Variants in IKBKE observed in about 807,000 individuals in gnomAD.
IKBKE encodes the protein inhibitor of nuclear factor kappa B kinase subunit epsilon.
In IKBKE, 45 loss-of-function variants were observed where a neutral mutation model predicts 92.1. The ratio of observed to expected loss-of-function variants is 0.49; its 90% CI spans 0.38 to 0.63. The LOEUF is 0.63. Ranked by LOEUF, IKBKE falls within the 20% of genes least tolerant of loss-of-function variation. The pLI is 0.00. For missense variants in IKBKE, 700 were observed against 932.8 expected, an observed-to-expected ratio of 0.75 and a Z score of 3.25; for synonymous variants, 374 against 380.3, an observed-to-expected ratio of 0.98 and a Z score of 0.19.
chr1:206,474,614 G>T (rs1208779428), intron 4 of IKBKE, 143 bp downstream of exon 4: 3 of 907,204 alleles, frequency 3.3e-6, no homozygotes, highest in East Asian at 2.7e-5. Context: ...GGGAGCAAAG[G>T]GGGCAAGGGG....
At chr1:206,479,264 A>T in intron 10 of IKBKE, 131 bp downstream of exon 10, 1 of 771,080 alleles carries the variant, frequency 1.3e-6, no homozygotes. Flanking sequence ...CAGGAGGCAG[A>T]TGTGGGTTCT....
rs1572259976 is a variant in IKBKE, at chr1:206,487,827, T to A, written c.1617-87T>A. On this transcript the variant is annotated intron_variant, in intron 15 of 21. Transcript: ENST00000581977. This position sits in a 1 kb window ranked among gnomAD's most constrained non-coding sequence, Gnocchi z 5.3. ...AACTGTGGCTGTGAGGCTCCTCCCC[T>A]ATTCCACTGCCACCCTTCCCCTCCC... The A allele has an allele frequency of 9.5e-7, 1 of 1,049,530 alleles. No individual in the cohort carries two copies. Among genetic ancestry groups the A allele is most frequent in the East Asian group, 2.5e-5 (1 of 39,864 alleles). 65.0% of individuals were successfully genotyped at this position (1,049,530 alleles called of 1,614,324 possible).
chr1:206,488,041 T>A (rs1665758802), intron 16 of IKBKE, 51 bp downstream of exon 16: 1 of 1,384,524 alleles, frequency 7.2e-7, no homozygotes, highest in African/African-American at 1.4e-5. Context: ...TCTCCCTTCT[T>A]TCGCCTTTCT....
rs1376661755 is a variant in IKBKE at position 206,490,266 on chromosome 1, C to T, written c.1694-553C>T. ...CATTCCTGCGAAGACCAGGAGGGGGCAGCATCTCCCTAGTGCATGAGCCTT... is the reference window on the plus strand; with the variant it reads ...CATTCCTGCGAAGACCAGGAGGGGGTAGCATCTCCCTAGTGCATGAGCCTT... On this transcript the variant is annotated intron_variant, in intron 16 of 21. Coordinates refer to ENST00000581977, the MANE Select transcript of IKBKE (RefSeq NM_014002.4). The surrounding 1 kb of genome is among the most constrained non-coding windows in gnomAD (Gnocchi z 5.2). Among the ~76,000 whole-genome samples the T allele has an allele frequency of 6.6e-6, 1 of 152,216 alleles. No homozygotes were observed. Among genetic ancestry groups the T allele is most frequent in the East Asian group, 1.9e-4 (1 of 5,196 alleles).
At position 206,493,384 on chromosome 1, in the gene IKBKE, T is replaced by C; in HGVS notation, c.2045+6T>C. ...CGAAAGGACCTGCTTCTCCAGTAAG[T>C]GCTGGGGAGAAAGCGGTTGTGTATC... On this transcript the variant is annotated splice_donor_region_variant and intron_variant, in intron 20 of 21. Transcript: ENST00000581977. 6.2e-7 allele frequency: 1 copy of C among 1,600,638 alleles called. No individual in the cohort carries two copies. Among genetic ancestry groups the C allele is most frequent in the East Asian group, 2.2e-5 (1 of 44,818 alleles).
chr1:206,494,091 G>C lies in IKBKE; in HGVS notation c.2117+100G>C. ...CCAAGCCTGCCCATGCAGGTTTGAT[G>C]ACACGTGTCCATTTTCGAAGAAGCC... On this transcript the variant is annotated intron_variant, in intron 21 of 21. Coordinates refer to ENST00000581977, the MANE Select transcript of IKBKE (RefSeq NM_014002.4). 3 of 956,142 alleles carry C rather than the reference G, an allele frequency of 3.1e-6. No individual in the cohort carries two copies. The South Asian group carries it at 4.4e-5, about 14-fold the overall frequency. 59.2% of individuals were successfully genotyped at this position (956,142 alleles called of 1,614,324 possible).
chr1:206,485,112 G>T lies in IKBKE; in HGVS notation c.1503+40G>T. 1 of 1,602,422 alleles carries T rather than the reference G, an allele frequency of 6.2e-7. No individual in the cohort carries two copies. On this transcript the variant is annotated intron_variant, in intron 14 of 21. Transcript: ENST00000581977. This position sits in a 1 kb window ranked among gnomAD's most constrained non-coding sequence, Gnocchi z 5.0. ...AGGGCAAGGGCTTAGCAGGATCAGA[G>T]CTGGGGGCCCGTGTTCCAGCCAGCC... is the stretch of plus-strand genomic sequence containing the variant.
chr1:206,475,509 C>T (rs1428494739), intron 5 of IKBKE, among the ~76,000 whole-genome samples: 6 of 152,034 alleles, frequency 3.9e-5, no homozygotes, highest in Non-Finnish European at 8.8e-5. Context: ...CCCAAGTGGG[C>T]GGATCATTTG....
intron 21 of IKBKE, among the ~76,000 whole-genome samples, chr1:206,495,411 G>T (rs1427476948): frequency 1.3e-5 from 2 of 152,170 alleles, no homozygotes; most frequent in Non-Finnish European, 2.9e-5. Flanking sequence ...GGAGGGAAGG[G>T]CTCACTAAAT....
At position 206,496,782 on chromosome 1, in the gene IKBKE, C is replaced by T. The variant is rs1666261239; in HGVS notation, c.*637C>T. 1 of 232,236 alleles carries T rather than the reference C, an allele frequency of 4.3e-6. No individual in the cohort carries two copies. The highest frequency in any genetic ancestry group is 8.5e-6 in the Non-Finnish European group (1 of 117,450). The allele number at this position is 232,236 out of a possible 1,614,324, so 14.4% of individuals were successfully genotyped here. ...GGGGCCCCTTTGGCTCTCCCTCACT[C>T]TCTGAGGCTCCAGCTGGTCCTGGGA... On this transcript the variant is annotated 3_prime_UTR_variant, in exon 22 of 22. Transcript: ENST00000581977.
intron 20 of IKBKE, among the ~76,000 whole-genome samples, 193 bp from the exon 21 acceptor site, chr1:206,493,727 T>C (rs1216426206): frequency 1.3e-5 from 2 of 152,176 alleles, no homozygotes; most frequent in African/African-American, 2.4e-5. Flanking sequence ...AGGCAGAGGT[T>C]GCAGTGAGCC....
chr1:206,479,872 G>T lies in IKBKE; in HGVS notation c.1186G>T (p.Ala396Ser), dbSNP rs1553386503. ...IPKGLAFRDPALDVPKFVPKV... is the reference protein window; with the variant it reads ...IPKGLAFRDPSLDVPKFVPKV... ...TCAGACAGGGTCTTTGTCTGCAGCTGCTCTGGACGTCCCCAAGTTCGTCCC... is the reference window on the plus strand; with the variant it reads ...TCAGACAGGGTCTTTGTCTGCAGCTTCTCTGGACGTCCCCAAGTTCGTCCC... The change falls in exon 11 of 22, where the codon GCT becomes TCT. Residue 396 changes from alanine to serine, a missense_variant and splice_region_variant. Coordinates refer to ENST00000581977, the MANE Select transcript of IKBKE (RefSeq NM_014002.4). 2 of 1,613,876 alleles carry T rather than the reference G, an allele frequency of 1.2e-6. No individual in the cohort carries two copies. The highest frequency in any genetic ancestry group is 1.7e-6 in the Non-Finnish European group (2 of 1,179,966).
chr1:206,476,561 C>A lies in IKBKE; in HGVS notation c.541-117C>A. The A allele has an allele frequency of 7.7e-7, 1 of 1,291,068 alleles. No homozygotes were observed. Among genetic ancestry groups the A allele is most frequent in the African/African-American group, 1.5e-5 (1 of 67,792 alleles). 80.0% of individuals were successfully genotyped at this position (1,291,068 alleles called of 1,614,324 possible). Reference sequence around the variant, plus strand: ...AGGCTGACACCCATTTTTAAGATGACAAAGAAGGATTTGAACAGTTCTGTT... The same window carrying A: ...AGGCTGACACCCATTTTTAAGATGAAAAAGAAGGATTTGAACAGTTCTGTT... On this transcript the variant is annotated intron_variant, in intron 6 of 21. Transcript: ENST00000581977. The surrounding 1 kb of genome is among the most constrained non-coding windows in gnomAD (Gnocchi z 5.1).
rs2103472576 is a variant in IKBKE at position 206,485,266 on chromosome 1, G to C, written c.1576G>C (p.Glu526Gln). The C allele has an allele frequency of 6.2e-7, 1 of 1,613,992 alleles. No individual in the cohort carries two copies. The highest frequency in any genetic ancestry group is 8.5e-7 in the Non-Finnish European group (1 of 1,179,818). Residue 526 changes from glutamate (E) to glutamine (Q), a missense_variant, in exon 15 of 22, where the codon GAG becomes CAG. Coordinates refer to ENST00000581977, the MANE Select transcript of IKBKE (RefSeq NM_014002.4). This position sits in a 1 kb window ranked among gnomAD's most constrained non-coding sequence, Gnocchi z 5.0. ...TQESLSSLNR[E>Q]LVKSRDQVHE... ...GGAGAGCCTGAGCAGCCTGAACCGG[G>C]AGCTGGTGAAGAGCCGGGATCAGGT...
intron 16 of IKBKE, among the ~76,000 whole-genome samples, chr1:206,489,246 T>A (rs1250733872): frequency 2.0e-5 from 3 of 147,486 alleles, no homozygotes; most frequent in African/African-American, 7.4e-5. Flanking sequence ...ATATATATAT[T>A]ATTCACATAT....
rs782640857 is a variant in IKBKE, at chr1:206,474,422, G to C, written c.179G>C (p.Arg60Pro). The C allele has an allele frequency of 6.2e-7, 1 of 1,614,072 alleles. No individual in the cohort carries two copies. Among genetic ancestry groups the C allele is most frequent in the Non-Finnish European group, 8.5e-7 (1 of 1,179,946 alleles). ...CAGGTGAGGGAGTTTGAGGTCCTGC[G>C]GAAGCTGAACCACCAGAACATTGTC... ...EVQVREFEVL[R>P]KLNHQNIVKL... The change falls in exon 4 of 22, where the codon CGG (arginine) becomes CCG (proline). Residue 60 changes from arginine (R) to proline (P), a missense_variant. Transcript: ENST00000581977.
At chr1:206,486,734 A>G (rs1285440942) in intron 15 of IKBKE, among the ~76,000 whole-genome samples, 1 of 124,002 alleles carries the variant, frequency 8.1e-6, no homozygotes, top group Non-Finnish European at 1.7e-5. Context: ...TCGAGGTCCC[A>G]TCCTTTTGGA....
chr1:206,480,371 TC>T (rs1192792642), intron 12 of IKBKE, 75 bp from the exon 13 acceptor site: 34 of 1,264,792 alleles, frequency 2.7e-5, no homozygotes, highest in Non-Finnish European at 3.9e-5. Context: ...GAGGCCAGTA[TC>T]CTGGGATGCT....
chr1:206,479,200 A>G, intron 10 of IKBKE, 67 bp downstream of exon 10: 3 of 1,302,446 alleles, frequency 2.3e-6, no homozygotes, highest in East Asian at 2.4e-5. Flanking sequence ...GGAGTTTGCA[A>G]TCCAGGCCAT....
Sources: allele counts gnomAD v4.1 joint callset (sites outside exome capture counted in the v4.1 genomes callset), GRCh38; gene constraint gnomAD v4.1.1; non-coding constraint Gnocchi (gnomAD v3.1); transcripts MANE v1.5; gene names NCBI Gene and HGNC (gene_info 2026-07-23, HGNC 2026-07-21).